Variants in CCDC51 observed in about 807,000 individuals in gnomAD.
The protein encoded by CCDC51 is coiled-coil domain containing 51, also known as mitochondrial potassium channel.
A neutral mutation model predicts 24.8 loss-of-function variants in CCDC51; 25 were observed. That is an observed-to-expected ratio of 1.01 (90% CI 0.73 to 1.41). The LOEUF (loss-of-function observed/expected upper bound fraction) is 1.41. CCDC51 is among the 40% of genes most tolerant of loss of function. The pLI, the probability that CCDC51 is intolerant of heterozygous loss-of-function variation, is 0.00. For synonymous variants in CCDC51, 190 were observed against 204.3 expected (o/e 0.93, Z 0.60); for missense variants, 466 against 519.1 (o/e 0.90, Z 0.99).
At chr3:48,443,337 CAGGAGTTCG>C (rs1482568151), upstream of CCDC51, among the ~76,000 whole-genome samples, 1 of 150,864 alleles carries the variant, frequency 6.6e-6, no homozygotes, top group Non-Finnish European at 1.5e-5. Flanking sequence ...CACCTGAGGT[CAGGAGTTCG>C]AGACCAGCCT....
rs373488371 is a variant in CCDC51, at chr3:48,433,150, C to T, written c.494G>A (p.Arg165His). The T allele has an allele frequency of 6.1e-5, 99 of 1,611,188 alleles. No homozygotes were observed. Among genetic ancestry groups the T allele is most frequent in the Non-Finnish European group, 7.7e-5 (91 of 1,178,332 alleles). ...GTCTTCTGCACGCAGATAGGCTGTG[C>T]GAAGCCTCTTCTCCTCCTGCAGAAG... Reference protein sequence around the residue: ...HRMLQEEKRLRTAYLRAEDSE... With the variant: ...HRMLQEEKRLHTAYLRAEDSE... Residue 165 changes from arginine (R) to histidine (H), a missense_variant, in exon 4 of 4, where the codon CGC becomes CAC. Coordinates refer to ENST00000395694, the MANE Select transcript of CCDC51 (RefSeq NM_001256964.2). This position sits in a 1 kb window ranked among gnomAD's most constrained non-coding sequence, Gnocchi z 4.4.
At position 48,433,436 on chromosome 3, in the gene CCDC51, C is replaced by G. The variant is rs1171285864; in HGVS notation, c.478-270G>C. 2.6e-5 allele frequency among the ~76,000 whole-genome samples: 4 copies of G among 152,236 alleles called. No individual in the cohort carries two copies. The highest frequency in any genetic ancestry group is 6.5e-5 in the Admixed American group (1 of 15,288). On this transcript the variant is annotated intron_variant, in intron 3 of 3. Coordinates refer to ENST00000395694, the MANE Select transcript of CCDC51 (RefSeq NM_001256964.2). The surrounding 1 kb of genome is among the most constrained non-coding windows in gnomAD (Gnocchi z 4.4). ...TCTACACAAAGGGAAGTGTCCAGCA[C>G]TCCCTAGGCCAGCCCCTCCATAGTT...
rs2039252680 is a variant in CCDC51 at position 48,433,509 on chromosome 3, T to C, written c.477+198A>G. ...CCCAGGCTACGCTGCCCTGAAGAGT[T>C]GGCCCCAGTACTCCAGAAGAAAGTA... is the stretch of plus-strand genomic sequence containing the variant. On this transcript the variant is annotated intron_variant, in intron 3 of 3. Coordinates refer to ENST00000395694, the MANE Select transcript of CCDC51 (RefSeq NM_001256964.2). This position sits in a 1 kb window ranked among gnomAD's most constrained non-coding sequence, Gnocchi z 4.4. Among the ~76,000 whole-genome samples, 1 of 152,190 alleles carries C rather than the reference T, an allele frequency of 6.6e-6. No individual in the cohort carries two copies. The highest frequency in any genetic ancestry group is 1.5e-5 in the Non-Finnish European group (1 of 68,022).
chr3:48,437,687 T>C lies in CCDC51; in HGVS notation c.-9+2301A>G, dbSNP rs918121938. Among the ~76,000 whole-genome samples, 1 of 152,096 alleles carries C rather than the reference T, an allele frequency of 6.6e-6. No homozygotes were observed. The highest frequency in any genetic ancestry group is 1.5e-5 in the Non-Finnish European group (1 of 68,026). On this transcript the variant is annotated intron_variant, in intron 1 of 3. Transcript: ENST00000395694. This position sits in a 1 kb window ranked among gnomAD's most constrained non-coding sequence, Gnocchi z 4.2. ...CCCTTCCTCAAGCCTCTATCATCTG[T>C]TCCTCATCTTCACTTCCAGCTGATG...
upstream of CCDC51, among the ~76,000 whole-genome samples, chr3:48,443,645 A>C (rs2039617265): frequency 9.5e-6 from 1 of 105,268 alleles, no homozygotes; most frequent in African/African-American, 3.6e-5. Context: ...ACCAGTGCAC[A>C]GCCAGCCACT....
upstream of CCDC51, chr3:48,445,076 G>C (rs1258664810): frequency 6.6e-6 from 1 of 152,582 alleles, no homozygotes; most frequent in Non-Finnish European, 1.5e-5. Context: ...GGGAGGCTGA[G>C]GTGGGAGGAT....
Position 48,432,454 on chromosome 3 carries a change from A to T in CCDC51, c.1190T>A (p.Phe397Tyr). The T allele has an allele frequency of 6.2e-7, 1 of 1,614,246 alleles. No homozygotes were observed. The highest frequency in any genetic ancestry group is 1.1e-5 in the South Asian group (1 of 91,086). The change falls in exon 4 of 4, where the codon TTT (phenylalanine) becomes TAT (tyrosine). Residue 397 changes from phenylalanine to tyrosine, a missense_variant. By Grantham distance (22) the Phe-to-Tyr change is conservative. Transcript: ENST00000395694. ...GTAGAGCACAGGCAGTGTGGCCACA[A>T]ATGTCACACAGGTGACCAGGGTGCT... ...IYSTLVTCVT[F>Y]VATLPVLYML...
In CCDC51 at chr3:48,432,388, T is replaced by A; in HGVS notation, c.*20A>T. On this transcript the variant is annotated 3_prime_UTR_variant, in exon 4 of 4. Transcript: ENST00000395694. The stretch of plus-strand genomic sequence containing the variant: ...CATTCACAGCTATTGCCTCAGACCC[T>A]CTGGAGGAGGGGCCAGGGGTTAGCT... 2.5e-6 allele frequency: 4 copies of A among 1,612,702 alleles called. No homozygotes were observed. The highest frequency in any genetic ancestry group is 3.4e-6 in the Non-Finnish European group (4 of 1,178,804).
the CCDC51 span, chr3:48,446,609 C>A: frequency 4.9e-6 from 2 of 405,714 alleles, no homozygotes; most frequent in East Asian, 4.2e-5. Context: ...TTGCAGCAAA[C>A]CTGCCGAATC....
At position 48,432,421 on chromosome 3, in the gene CCDC51, A is replaced by C. The variant is rs1215742767; in HGVS notation, c.1223T>G (p.Phe408Cys). ...AGGGGCCAGGGGTTAGCTGGCTTTG[A>C]ATAGCATGTAGAGCACAGGCAGTGT... ...VATLPVLYML[F>C]KAS The change falls in exon 4 of 4, where the codon TTC becomes TGC. Residue 408 changes from phenylalanine to cysteine, a missense_variant. By Grantham distance (205) the Phe-to-Cys change is radical. Transcript: ENST00000395694. 1 of 1,614,180 alleles carries C rather than the reference A, an allele frequency of 6.2e-7. No individual in the cohort carries two copies. Among genetic ancestry groups the C allele is most frequent in the Non-Finnish European group, 8.5e-7 (1 of 1,180,004 alleles).
chr3:48,432,642 C>A lies in CCDC51; in HGVS notation c.1002G>T (p.Met334Ile). 1 of 1,614,270 alleles carries A rather than the reference C, an allele frequency of 6.2e-7. No homozygotes were observed. Among genetic ancestry groups the A allele is most frequent in the Non-Finnish European group, 8.5e-7 (1 of 1,180,052 alleles). ...ACTTTACAAGCTGAACCACCCCAGC[C>A]ATTTGGCTACAAGTCTTTTCTAGGC... ...LDGLEKTCSQ[M>I]AGVVQLVKSA... Residue 334 changes from methionine to isoleucine, a missense_variant, in exon 4 of 4, where the codon ATG becomes ATT. Coordinates refer to ENST00000395694, the MANE Select transcript of CCDC51 (RefSeq NM_001256964.2).
chr3:48,439,501 G>C (rs1354274588), intron 1 of CCDC51, among the ~76,000 whole-genome samples: 1 of 151,958 alleles, frequency 6.6e-6, no homozygotes, highest in East Asian at 1.9e-4. Context: ...ACATGGTGGC[G>C]GGCACTTGTA....
Position 48,434,953 on chromosome 3 carries a change from C to T in CCDC51, c.176G>A (p.Arg59His), listed in dbSNP as rs751257115. 4.1e-5 allele frequency: 66 copies of T among 1,614,092 alleles called. No individual in the cohort carries two copies. The highest frequency in any genetic ancestry group is 5.3e-5 in the African/African-American group (4 of 74,946). ...PEEVALGLHH[R>H]LPALGRALGH... ...CAGGGCTCTTCCCAGTGCTGGGAGG[C>T]GGTGGTGCAGCCCCAGGGCCACCTC... Residue 59 changes from arginine to histidine, a missense_variant, in exon 2 of 4, where the codon CGC becomes CAC. Physicochemically the swap from Arg to His is conservative, Grantham distance 29. Transcript: ENST00000395694.
upstream of CCDC51, among the ~76,000 whole-genome samples, chr3:48,442,837 A>G (rs2039600387): frequency 6.6e-6 from 1 of 152,222 alleles, no homozygotes; most frequent in Non-Finnish European, 1.5e-5. Flanking sequence ...TGCCAGGATC[A>G]TAATATGGAA....
At chr3:48,445,335 A>G (rs2039649373), upstream of CCDC51, among the ~76,000 whole-genome samples, 1 of 152,206 alleles carries the variant, frequency 6.6e-6, no homozygotes, top group African/African-American at 2.4e-5. Context: ...TAGAATATTG[A>G]AAACTTTCAT....
intron 1 of CCDC51, among the ~76,000 whole-genome samples, chr3:48,436,410 T>C (rs148282839): frequency 3.9e-4 from 59 of 152,198 alleles, no homozygotes; most frequent in Non-Finnish European, 6.5e-4. Context: ...GCTGGTTGGG[T>C]AGAAACATGT....
chr3:48,443,727 C>T (rs151146971), upstream of CCDC51: 13 of 648,390 alleles, frequency 2.0e-5, no homozygotes, highest in Middle Eastern at 2.6e-4. Context: ...GCTATCCATG[C>T]TTGTGTTAAA....
At chr3:48,440,193 C>T (rs2039519261), upstream of CCDC51, 12 of 1,506,186 alleles carry the variant, frequency 8.0e-6, no homozygotes, top group Non-Finnish European at 1.1e-5. Context: ...GTTCAACTTC[C>T]TGACTAGGAG....
At chr3:48,442,401 G>T (rs1222884755), upstream of CCDC51, among the ~76,000 whole-genome samples, 2 of 147,752 alleles carry the variant, frequency 1.4e-5, no homozygotes, top group African/African-American at 5.0e-5. Context: ...GGTTTATTTT[G>T]TCAGGCCCCT....
Sources: gnomAD v4.1 joint callset for allele counts (sites outside exome capture counted in the v4.1 genomes callset) on GRCh38, gnomAD v4.1.1 for gene constraint, Gnocchi (gnomAD v3.1) non-coding constraint, MANE v1.5 for transcripts, NCBI Gene and HGNC (gene_info 2026-07-23, HGNC 2026-07-21) for gene names.